NOX4: variants seen among roughly 807,000 people sequenced by gnomAD.
NOX4 encodes NADPH oxidase 4.
NOX4 carries 69 observed loss-of-function variants against 87.6 expected under a neutral mutation model. That is an observed-to-expected ratio of 0.79 (90% confidence interval 0.65 to 0.96). The LOEUF is 0.96. Ranked by LOEUF, NOX4 falls within the 40% of genes least tolerant of loss-of-function variation. NOX4 has a pLI of 0.00. For synonymous variants in NOX4, 275 were observed against 238.2 expected, an observed-to-expected ratio of 1.15 and a Z score of -1.42; for missense variants, 680 against 681.5, an observed-to-expected ratio of 1.00 and a Z score of 0.02.
At chr11:89,468,255 T>G (rs911832481) in intron 2 of NOX4, among the ~76,000 whole-genome samples, 19 of 152,212 alleles carry the variant, frequency 1.2e-4, no homozygotes, top group Admixed American at 8.5e-4. Context: ...CTACTCTGCA[T>G]AATAATTTTC....
intron 7 of NOX4, among the ~76,000 whole-genome samples, chr11:89,422,862 C>A (rs1943161036): frequency 7.1e-6 from 1 of 140,546 alleles, no homozygotes; most frequent in Non-Finnish European, 1.5e-5. Flanking sequence ...TGCAGTGGTG[C>A]AATCTCAGCT....
chr11:89,490,606 C>T (rs1946811540), intron 1 of NOX4, 53 bp from the exon 2 acceptor site: 2 of 1,282,370 alleles, frequency 1.6e-6, no homozygotes, highest in Non-Finnish European at 1.1e-6. Context: ...ATAATTATTA[C>T]CTGATGAATA....
chr11:89,424,082 T>C lies in NOX4; in HGVS notation c.549-2100A>G, dbSNP rs1370731039. Among the ~76,000 whole-genome samples, 4 of 151,562 alleles carry C rather than the reference T, an allele frequency of 2.6e-5. No homozygotes were observed. In the East Asian group the frequency reaches 7.7e-4, roughly 29 times the overall value. On this transcript the variant is annotated intron_variant, in intron 7 of 17. Coordinates refer to ENST00000263317, the MANE Select transcript of NOX4 (RefSeq NM_016931.5). ...AGAAAGACCCTGTCTCAAAAAAATATATATATAATAATTAAGGAAGAACTA... is the reference window on the plus strand; with the variant it reads ...AGAAAGACCCTGTCTCAAAAAAATACATATATAATAATTAAGGAAGAACTA...
At chr11:89,405,775 G>A (rs1437585263) in intron 8 of NOX4, among the ~76,000 whole-genome samples, 2 of 151,334 alleles carry the variant, frequency 1.3e-5, no homozygotes, top group Non-Finnish European at 2.9e-5. Flanking sequence ...AAACTTGCAT[G>A]GTAAAGATTA....
chr11:89,399,990 T>G (rs749014588), intron 11 of NOX4, 27 bp downstream of exon 11: 1 of 1,570,400 alleles, frequency 6.4e-7, no homozygotes, highest in Non-Finnish European at 8.7e-7. Flanking sequence ...CCTACAAATG[T>G]GAAAAAGCAA....
chr11:89,460,461 A>G (rs1945405555), intron 2 of NOX4, among the ~76,000 whole-genome samples: 1 of 152,216 alleles, frequency 6.6e-6, no homozygotes, highest in African/African-American at 2.4e-5. Context: ...AAACAAATTT[A>G]CAAGAAAAAA....
At chr11:89,482,044 C>T (rs1265659885) in intron 2 of NOX4, among the ~76,000 whole-genome samples, 1 of 152,002 alleles carries the variant, frequency 6.6e-6, no homozygotes, top group Admixed American at 6.6e-5. Flanking sequence ...TGCTACTCCT[C>T]AGAGGTGCTA....
At chr11:89,402,120 A>G (rs1222892551) in intron 9 of NOX4, among the ~76,000 whole-genome samples, 1 of 152,128 alleles carries the variant, frequency 6.6e-6, no homozygotes, top group Non-Finnish European at 1.5e-5. Context: ...TTAAGTAGAA[A>G]TGTTATATAT....
At chr11:89,384,973 C>T (rs561621659) in intron 11 of NOX4, among the ~76,000 whole-genome samples, 31 of 152,244 alleles carry the variant, frequency 2.0e-4, no homozygotes, top group African/African-American at 6.7e-4. Context: ...ATGGCAGTTC[C>T]ACCAGGCCTA....
intron 13 of NOX4, among the ~76,000 whole-genome samples, chr11:89,351,714 A>C (rs1197236812): frequency 1.3e-5 from 2 of 152,308 alleles, no homozygotes; most frequent in South Asian, 4.1e-4. Flanking sequence ...ACGAAAACAC[A>C]TCTGTTTATA....
intron 2 of NOX4, among the ~76,000 whole-genome samples, chr11:89,481,155 A>G (rs528037068): frequency 6.6e-6 from 1 of 152,128 alleles, no homozygotes; most frequent in South Asian, 2.1e-4. Context: ...TCAAAGGGTA[A>G]ATCTCTGTCC....
chr11:89,501,531 T>C (rs147412882), upstream of NOX4, among the ~76,000 whole-genome samples: 322 of 152,138 alleles, frequency 2.1e-3, no homozygotes, highest in Middle Eastern at 6.8e-3. Context: ...ATGGAAGTGA[T>C]TGGAAGCAAA....
intron 2 of NOX4, among the ~76,000 whole-genome samples, chr11:89,473,322 T>C (rs1440973967): frequency 6.6e-6 from 1 of 152,130 alleles, no homozygotes; most frequent in Admixed American, 6.6e-5. Context: ...ACTGAGCGTT[T>C]AGTTACCTCT....
chr11:89,565,019 T>C, the NOX4 span, among the ~76,000 whole-genome samples: 2 of 152,172 alleles, frequency 1.3e-5, no homozygotes, highest in Admixed American at 1.3e-4. Context: ...CTTAAAAGTC[T>C]GCTTACTGAT....
intron 11 of NOX4, among the ~76,000 whole-genome samples, chr11:89,382,774 A>T (rs987937472): frequency 6.6e-6 from 1 of 152,032 alleles, no homozygotes. Context: ...TTCTGTGACT[A>T]GCCCTCCCCC....
At chr11:89,560,616 G>T in the NOX4 span, among the ~76,000 whole-genome samples, 2 of 152,036 alleles carry the variant, frequency 1.3e-5, 1 homozygote, top group South Asian at 4.2e-4. Flanking sequence ...CCCTCAATGT[G>T]TGTGGTTAAC....
intron 3 of NOX4, among the ~76,000 whole-genome samples, chr11:89,451,295 C>A (rs1417371103): frequency 1.3e-5 from 2 of 152,078 alleles, no homozygotes; most frequent in African/African-American, 4.8e-5. Context: ...TTGCCAACAC[C>A]AGCAATCATT....
chr11:89,452,429 G>A (rs191033075), intron 2 of NOX4, among the ~76,000 whole-genome samples: 6 of 152,106 alleles, frequency 3.9e-5, no homozygotes, highest in African/African-American at 1.2e-4. Context: ...TAGTAAGCAC[G>A]ACTCTTCTAG....
chr11:89,444,338 G>A, intron 4 of NOX4, 106 bp from the exon 5 acceptor site: 1 of 817,608 alleles, frequency 1.2e-6, no homozygotes, highest in Non-Finnish European at 2.0e-6. Context: ...AACTTTGACA[G>A]CTATGTGGAC....
Sources: gnomAD v4.1 joint callset for allele counts (sites outside exome capture counted in the v4.1 genomes callset) on GRCh38, gnomAD v4.1.1 for gene constraint, MANE v1.5 for transcripts, NCBI Gene and HGNC (gene_info 2026-07-23, HGNC 2026-07-21) for gene names.